TBC1D22A: variants seen among roughly 807,000 people sequenced by gnomAD.
TBC1D22A encodes TBC1 domain family member 22A, also known as putative GTPase activator.
A neutral mutation model predicts 60.2 loss-of-function variants in TBC1D22A; 38 were observed. The observed-to-expected ratio is 0.63, with a 90% confidence interval of 0.49 to 0.83. TBC1D22A has a LOEUF of 0.83. Ranked by LOEUF, TBC1D22A falls within the 40% of genes least tolerant of loss-of-function variation. TBC1D22A has a pLI of 0.00. For synonymous variants in TBC1D22A, 302 were observed against 281.7 expected, an observed-to-expected ratio of 1.07 and a Z score of -0.72; for missense variants, 628 against 701.0, an observed-to-expected ratio of 0.90 and a Z score of 1.18.
chr22:46,980,721 ATAT>A (rs143690740), intron 9 of TBC1D22A, among the ~76,000 whole-genome samples: 4,818 of 152,294 alleles, frequency 0.032, 289 homozygotes, highest in African/African-American at 0.11. Context: ...AGGAAAGCCA[ATAT>A]TTGTAAAGCT....
chr22:47,126,281 C>T (rs1318935435), intron 12 of TBC1D22A, among the ~76,000 whole-genome samples: 2 of 152,362 alleles, frequency 1.3e-5, no homozygotes, highest in East Asian at 3.9e-4. Context: ...CGTGCCCGGC[C>T]AGATGAAGAT....
chr22:46,905,370 C>T (rs563526101), intron 7 of TBC1D22A, among the ~76,000 whole-genome samples: 32 of 152,332 alleles, frequency 2.1e-4, no homozygotes, highest in Non-Finnish European at 4.3e-4. Context: ...TGTGAGTTGG[C>T]TTCATAGCTT....
Position 47,080,017 on chromosome 22 carries a change from AC to A in TBC1D22A, c.1330-31490del, listed in dbSNP as rs1371055117. On this transcript the variant is annotated intron_variant, in intron 11 of 12. Coordinates refer to ENST00000337137, the MANE Select transcript of TBC1D22A (RefSeq NM_014346.5). ...GAGACTGCAAGACATACTTTGGCAT[AC>A]TACCACAGCTAAAGAAGGACTTTTT... 2.0e-5 allele frequency among the ~76,000 whole-genome samples: 3 copies of A among 152,358 alleles called. No homozygotes were observed. In the South Asian group the frequency reaches 6.2e-4, roughly 32 times the overall value.
intron 10 of TBC1D22A, among the ~76,000 whole-genome samples, chr22:47,035,432 A>G (rs1480431912): frequency 6.6e-6 from 1 of 152,164 alleles, no homozygotes; most frequent in African/African-American, 2.4e-5. Context: ...TGGGGCTCAG[A>G]ACAGCCTTTG....
chr22:47,031,027 C>T (rs914356154), intron 10 of TBC1D22A, among the ~76,000 whole-genome samples: 1 of 152,246 alleles, frequency 6.6e-6, no homozygotes, highest in Non-Finnish European at 1.5e-5. Context: ...CCGGTGCCTT[C>T]TGGATGGATG....
chr22:47,148,213 C>T (rs1056092465), intron 12 of TBC1D22A, among the ~76,000 whole-genome samples: 2 of 152,168 alleles, frequency 1.3e-5, no homozygotes, highest in East Asian at 1.9e-4. Flanking sequence ...AAAGTGCCCC[C>T]GGCAGGTGTG....
intron 7 of TBC1D22A, among the ~76,000 whole-genome samples, chr22:46,895,285 G>A (rs1414481784): frequency 6.6e-6 from 1 of 152,086 alleles, no homozygotes; most frequent in African/African-American, 2.4e-5. Context: ...TCATTCATGG[G>A]ACAGTAGGGA....
intron 11 of TBC1D22A, among the ~76,000 whole-genome samples, chr22:47,086,629 G>A (rs746982597): frequency 2.0e-5 from 3 of 152,162 alleles, no homozygotes; most frequent in Admixed American, 6.5e-5. Flanking sequence ...GTGTATACGC[G>A]ATAGTATTTT....
intron 8 of TBC1D22A, among the ~76,000 whole-genome samples, chr22:46,942,839 G>T (rs1481190325): frequency 6.6e-6 from 1 of 152,184 alleles, no homozygotes; most frequent in Non-Finnish European, 1.5e-5. Context: ...TTTCCTTAAG[G>T]GTGAATGAAT....
intron 7 of TBC1D22A, among the ~76,000 whole-genome samples, chr22:46,900,398 C>T (rs1308664563): frequency 6.6e-6 from 1 of 152,216 alleles, no homozygotes; most frequent in East Asian, 1.9e-4. Context: ...GATCCACCCT[C>T]CTTGGCCTCC....
chr22:46,948,470 TCTC>T (rs2072688538), intron 8 of TBC1D22A, among the ~76,000 whole-genome samples: 1 of 152,084 alleles, frequency 6.6e-6, no homozygotes, highest in South Asian at 2.1e-4. Context: ...GGGGGTAGAG[TCTC>T]CTCCACCAAA....
intron 4 of TBC1D22A, among the ~76,000 whole-genome samples, chr22:46,820,433 CTCTTT>C (rs201776920): frequency 0.014 from 2,138 of 152,210 alleles, 50 homozygotes; most frequent in African/African-American, 0.049. Flanking sequence ...GGTACATTGT[CTCTTT>C]GTTCTCACTG....
At chr22:46,925,246 C>A (rs535955942) in intron 8 of TBC1D22A, among the ~76,000 whole-genome samples, 1 of 152,274 alleles carries the variant, frequency 6.6e-6, no homozygotes, top group South Asian at 2.1e-4. Flanking sequence ...CTTTTGTGCT[C>A]CACAGTTAAT....
At chr22:46,974,440 C>G in intron 9 of TBC1D22A, 41 bp downstream of exon 9, 1 of 1,538,072 alleles carries the variant, frequency 6.5e-7, no homozygotes, top group Non-Finnish European at 8.9e-7. Context: ...ACGCCCACAG[C>G]CCCTGCGGTG....
intron 4 of TBC1D22A, among the ~76,000 whole-genome samples, chr22:46,825,836 G>A (rs139592): frequency 0.27 from 41,285 of 151,082 alleles, 5,751 homozygotes; most frequent in South Asian, 0.42. Context: ...ATGAAAAAAC[G>A]TTTTTCAAAC....
intron 7 of TBC1D22A, among the ~76,000 whole-genome samples, chr22:46,904,165 A>ATCTATCTATCTG (rs1397043974): frequency 6.9e-6 from 1 of 144,698 alleles, no homozygotes; most frequent in African/African-American, 2.5e-5. Flanking sequence ...CTACCTACCT[A>ATCTATCTATCTG]CCTACCTACC....
At chr22:46,985,131 G>T (rs2074673872) in intron 9 of TBC1D22A, among the ~76,000 whole-genome samples, 2 of 152,162 alleles carry the variant, frequency 1.3e-5, no homozygotes, top group Non-Finnish European at 2.9e-5. Context: ...AACAAAGGAA[G>T]GACTGGTCTG....
At chr22:46,957,219 A>T (rs2073245662) in intron 8 of TBC1D22A, among the ~76,000 whole-genome samples, 1 of 152,194 alleles carries the variant, frequency 6.6e-6, no homozygotes, top group African/African-American at 2.4e-5. Context: ...TTTGGAAATA[A>T]AACAAAAGTC....
chr22:46,906,252 C>T (rs1450270755), intron 7 of TBC1D22A, among the ~76,000 whole-genome samples: 7 of 152,134 alleles, frequency 4.6e-5, no homozygotes, highest in Non-Finnish European at 1.0e-4. Flanking sequence ...TAATAGCTAT[C>T]GTTGGAGGGA....
Sources: allele counts gnomAD v4.1 joint callset (sites outside exome capture counted in the v4.1 genomes callset), GRCh38; gene constraint gnomAD v4.1.1; transcripts MANE v1.5; gene names NCBI Gene and HGNC (gene_info 2026-07-23, HGNC 2026-07-21).